Variants in C1orf21 observed in about 807,000 individuals in gnomAD.
C1orf21 encodes the protein uncharacterized protein C1orf21.
Under a neutral mutation model 18.7 loss-of-function variants are expected in C1orf21, and 3 were observed. The ratio of observed to expected loss-of-function variants is 0.16; its 90% confidence interval spans 0.07 to 0.42. The LOEUF is 0.42. Among genes scored for constraint, C1orf21 ranks in the 10% least tolerant of loss-of-function variants. C1orf21 has a pLI of 0.99. For synonymous variants in C1orf21, 41 were observed against 46.4 expected (o/e 0.88, Z 0.47); for missense variants, 104 against 143.6 (o/e 0.72, Z 1.41).
chr1:184,556,100 A>C (rs1315850409), intron 3 of C1orf21, among the ~76,000 whole-genome samples: 1 of 151,974 alleles, frequency 6.6e-6, no homozygotes, highest in Non-Finnish European at 1.5e-5. Context: ...CAACACACAC[A>C]CATACACACA....
intron 1 of C1orf21, among the ~76,000 whole-genome samples, chr1:184,446,458 T>C (rs1190749174): frequency 6.6e-6 from 1 of 152,176 alleles, no homozygotes; most frequent in African/African-American, 2.4e-5. Context: ...CTTGCCAAAA[T>C]ATTGAACCTG....
chr1:184,461,789 A>T (rs910562230), intron 1 of C1orf21, among the ~76,000 whole-genome samples: 3 of 152,220 alleles, frequency 2.0e-5, no homozygotes, highest in Non-Finnish European at 2.9e-5. Flanking sequence ...TGACGTACAA[A>T]TAAACAGCCT....
At chr1:184,560,184 A>G (rs1191940571) in intron 3 of C1orf21, among the ~76,000 whole-genome samples, 3 of 152,224 alleles carry the variant, frequency 2.0e-5, no homozygotes, top group African/African-American at 7.2e-5. Flanking sequence ...CGCACATTAA[A>G]CAATTATGAT....
At chr1:184,429,339 C>G (rs555932958) in intron 1 of C1orf21, among the ~76,000 whole-genome samples, 15 of 152,160 alleles carry the variant, frequency 9.9e-5, no homozygotes, top group Non-Finnish European at 2.1e-4. Context: ...ACATGGGTAA[C>G]TGGTTGTAGG....
intron 3 of C1orf21, among the ~76,000 whole-genome samples, chr1:184,518,993 A>G (rs1571396297): frequency 6.6e-6 from 1 of 152,066 alleles, no homozygotes; most frequent in East Asian, 1.9e-4. Context: ...GGCTGATGGA[A>G]TAATTTAGGA....
chr1:184,590,866 G>T, intron 4 of C1orf21, 51 bp downstream of exon 4: 1 of 1,457,234 alleles, frequency 6.9e-7, no homozygotes, highest in Non-Finnish European at 9.6e-7. Flanking sequence ...CATATCCATG[G>T]ATTCTGCATC....
At chr1:184,424,703 T>C (rs1321587854) in intron 1 of C1orf21, among the ~76,000 whole-genome samples, 1 of 152,136 alleles carries the variant, frequency 6.6e-6, no homozygotes, top group South Asian at 2.1e-4. Context: ...AATACTAAGA[T>C]AGGGAAACTG....
At chr1:184,442,700 A>G (rs1656967165) in intron 1 of C1orf21, among the ~76,000 whole-genome samples, 1 of 152,162 alleles carries the variant, frequency 6.6e-6, no homozygotes, top group Non-Finnish European at 1.5e-5. Context: ...GAGGATCCCA[A>G]CTTACTTACT....
intron 1 of C1orf21, among the ~76,000 whole-genome samples, chr1:184,444,761 C>T (rs1657002794): frequency 6.6e-6 from 1 of 152,114 alleles, no homozygotes; most frequent in Non-Finnish European, 1.5e-5. Context: ...TATTTTCAAG[C>T]ATTCAATGAA....
At chr1:184,604,826 G>A (rs890979374) in intron 5 of C1orf21, among the ~76,000 whole-genome samples, 2 of 152,206 alleles carry the variant, frequency 1.3e-5, no homozygotes, top group Non-Finnish European at 2.9e-5. Context: ...GCAACAAGCT[G>A]AAAAGAAATG....
intron 2 of C1orf21, among the ~76,000 whole-genome samples, chr1:184,480,016 C>T (rs1248325156): frequency 3.3e-5 from 5 of 152,088 alleles, no homozygotes; most frequent in Non-Finnish European, 7.4e-5. Flanking sequence ...GTAAATAATC[C>T]ATAAACCTTG....
chr1:184,450,348 A>G (rs772215783), intron 1 of C1orf21, among the ~76,000 whole-genome samples: 13 of 152,234 alleles, frequency 8.5e-5, no homozygotes, highest in South Asian at 2.1e-4. Flanking sequence ...CCTCGCCCCA[A>G]TCAGAGGCAC....
chr1:184,577,063 A>G lies in C1orf21; in HGVS notation c.190-13676A>G, dbSNP rs577117462. On this transcript the variant is annotated intron_variant, in intron 3 of 5. Coordinates refer to ENST00000235307, the MANE Select transcript of C1orf21 (RefSeq NM_030806.4). ...GAGGGCACACTGTGGTAAGCTGAAG[A>G]ATGATGTCCACATCCAAATCCACGG... Among the ~76,000 whole-genome samples the G allele has an allele frequency of 2.6e-5, 4 of 152,040 alleles. No individual in the cohort carries two copies. In the East Asian group the frequency reaches 7.7e-4, roughly 29 times the overall value.
At chr1:184,599,677 C>T (rs946364718) in intron 5 of C1orf21, 2 of 152,142 alleles carry the variant, frequency 1.3e-5, no homozygotes, top group African/African-American at 4.8e-5. Flanking sequence ...CATCCAGGAA[C>T]AGTTGCCAAG....
At chr1:184,443,924 G>T (rs1656989933) in intron 1 of C1orf21, among the ~76,000 whole-genome samples, 1 of 152,156 alleles carries the variant, frequency 6.6e-6, no homozygotes, top group South Asian at 2.1e-4. Flanking sequence ...GTATATGAGG[G>T]CAGTGTTTTC....
chr1:184,539,943 A>G (rs561382962), intron 3 of C1orf21: 3 of 152,368 alleles, frequency 2.0e-5, no homozygotes, highest in African/African-American at 7.2e-5. Flanking sequence ...TAAGGACATG[A>G]CACGGAGCAG....
chr1:184,557,450 C>T (rs1406084701), intron 3 of C1orf21, among the ~76,000 whole-genome samples: 1 of 152,098 alleles, frequency 6.6e-6, no homozygotes, highest in African/African-American at 2.4e-5. Context: ...CATTCCCATG[C>T]CTTTGCATCC....
intron 3 of C1orf21, among the ~76,000 whole-genome samples, chr1:184,535,789 T>C (rs550357148): frequency 6.6e-6 from 1 of 152,188 alleles, no homozygotes; most frequent in Non-Finnish European, 1.5e-5. Flanking sequence ...ATAAATACAG[T>C]ACAACTCACT....
intron 3 of C1orf21, among the ~76,000 whole-genome samples, chr1:184,514,954 G>A (rs1658202349): frequency 1.3e-5 from 2 of 152,174 alleles, no homozygotes; most frequent in African/African-American, 2.4e-5. Context: ...ATTAAAAACT[G>A]GGTGGATGTA....
Sources: gnomAD v4.1 joint callset for allele counts (sites outside exome capture counted in the v4.1 genomes callset) on GRCh38, gnomAD v4.1.1 for gene constraint, MANE v1.5 for transcripts, NCBI Gene and HGNC (gene_info 2026-07-23, HGNC 2026-07-21) for gene names.